TRNT1: variants seen among roughly 807,000 people sequenced by gnomAD.
TRNT1 encodes CCA tRNA nucleotidyltransferase 1, mitochondrial.
In TRNT1, 44 loss-of-function variants were observed where a neutral mutation model predicts 45.6. That is an observed-to-expected ratio of 0.97 (90% CI 0.76 to 1.24). The LOEUF is 1.24. TRNT1 is among the 50% of genes most tolerant of loss of function. The probability of loss-of-function intolerance (pLI) is 0.00; values close to 1 mark genes in which losing one functional copy is unlikely to be tolerated. For missense variants in TRNT1, 633 were observed against 504.4 expected (o/e 1.25, Z -2.44); for synonymous variants, 201 against 171.4 (o/e 1.17, Z -1.35).
In TRNT1 at chr3:3,137,307, G is replaced by C. The variant is rs1228041792; in HGVS notation, c.196G>C (p.Val66Leu). ...NHELRIAGGA[V>L]RDLLNGVKPQ... ...CGAATTAAGAATAGCAGGAGGAGCA[G>C]TGAGGGATTTATTAAATGGAGTAAA... Residue 66 changes from valine to leucine, a missense_variant, in exon 3 of 8, where the codon GTG (valine) becomes CTG (leucine). Val to Leu is a conservative substitution (Grantham distance 32). Coordinates refer to ENST00000251607, the MANE Select transcript of TRNT1 (RefSeq NM_182916.3). 1 of 1,612,142 alleles carries C rather than the reference G, an allele frequency of 6.2e-7. No individual in the cohort carries two copies. The highest frequency in any genetic ancestry group is 1.3e-5 in the African/African-American group (1 of 74,970).
At chr3:3,152,423 GA>G (rs11414437), downstream of TRNT1, 458 of 1,480,586 alleles carry the variant, frequency 3.1e-4, no homozygotes, top group Admixed American at 8.9e-4. Context: ...GGTAAAAAAA[GA>G]AAAAAAAAAG....
At chr3:3,128,795 A>T (rs1024195859) in intron 1 of TRNT1, among the ~76,000 whole-genome samples, 1 of 152,028 alleles carries the variant, frequency 6.6e-6, no homozygotes, top group Non-Finnish European at 1.5e-5. Flanking sequence ...GGCCTGCGCT[A>T]GTGAGACCCC....
rs1375140765 is a variant in TRNT1 at position 3,147,856 on chromosome 3, G to GTGTA, written c.1057-46_1057-43dup. 6 of 1,570,266 alleles carry GTGTA rather than the reference G, an allele frequency of 3.8e-6. No homozygotes were observed. In the East Asian group the frequency reaches 1.1e-4, roughly 29 times the overall value. On this transcript the variant is annotated intron_variant, in intron 7 of 7. Transcript: ENST00000251607. ...TTTAAATTTTAGGATAAGATTGTAAGTGTATGTTTTCATGTGTGACGAAAC... is the reference window on the plus strand; with the variant it reads ...TTTAAATTTTAGGATAAGATTGTAAGTGTATGTATGTTTTCATGTGTGACGAAAC...
At chr3:3,142,222 T>C (rs1705696977) in intron 4 of TRNT1, among the ~76,000 whole-genome samples, 1 of 152,220 alleles carries the variant, frequency 6.6e-6, no homozygotes, top group South Asian at 2.1e-4. Flanking sequence ...GAGAAACTAA[T>C]ACTCTTTTTC....
downstream of TRNT1, among the ~76,000 whole-genome samples, chr3:3,152,257 A>G (rs1426684089): frequency 6.6e-6 from 1 of 151,326 alleles, no homozygotes; most frequent in East Asian, 1.9e-4. Flanking sequence ...GGTTCAAGAG[A>G]TTCTTGTGCC....
chr3:3,150,855 T>G (rs1424408123), downstream of TRNT1: 1 of 1,612,112 alleles, frequency 6.2e-7, no homozygotes, highest in Admixed American at 1.7e-5. Flanking sequence ...TTTATCTCTA[T>G]CACATCTGTT....
Position 3,137,448 on chromosome 3 carries a change from G to A in TRNT1, c.337G>A (p.Ala113Thr). 6.3e-7 allele frequency: 1 copy of A among 1,597,344 alleles called. No individual in the cohort carries two copies. The highest frequency in any genetic ancestry group is 8.5e-7 in the Non-Finnish European group (1 of 1,174,630). ...AGGAGAAAAGCACGGAACAATTACT[G>A]CCAGGGTGAGTCAAAAGTTTGACAG... ...NRGEKHGTIT[A>T]RLHEENFEIT... Residue 113 changes from alanine to threonine, a missense_variant, in exon 3 of 8, where the codon GCC (alanine) becomes ACC (threonine). Ala to Thr is a moderately conservative substitution (Grantham distance 58). Transcript: ENST00000251607.
chr3:3,150,820 G>GAATA (rs2126046889), downstream of TRNT1: 1 of 1,564,374 alleles, frequency 6.4e-7, no homozygotes. Context: ...GCAGATCTTA[G>GAATA]AATATAACCA....
intron 5 of TRNT1, among the ~76,000 whole-genome samples, chr3:3,145,925 G>A (rs1176075336): frequency 1.3e-5 from 2 of 151,548 alleles, no homozygotes; most frequent in Non-Finnish European, 2.9e-5. Flanking sequence ...AAGATTCCGC[G>A]AAATATACTC....
intron 3 of TRNT1, among the ~76,000 whole-genome samples, chr3:3,138,801 C>T (rs1303724935): frequency 6.6e-6 from 1 of 152,138 alleles, no homozygotes; most frequent in African/African-American, 2.4e-5. Context: ...TTTTATTTCT[C>T]TTAGGATATC....
At chr3:3,136,167 A>G (rs1705315757) in intron 2 of TRNT1, among the ~76,000 whole-genome samples, 2 of 152,118 alleles carry the variant, frequency 1.3e-5, no homozygotes, top group Admixed American at 1.3e-4. Flanking sequence ...TGTTTAGGTG[A>G]TTACAGAGTT....
chr3:3,129,830 T>C, intron 2 of TRNT1: 1 of 1,540,512 alleles, frequency 6.5e-7, no homozygotes. Flanking sequence ...TGTGTTTCTG[T>C]AACTACTAAC....
chr3:3,148,840 G>A lies in TRNT1; in HGVS notation c.*686G>A, dbSNP rs1706251325. 2.6e-5 allele frequency: 4 copies of A among 152,046 alleles called. No homozygotes were observed. The South Asian group carries it at 6.2e-4, about 24-fold the overall frequency. 9.4% of individuals were successfully genotyped at this position (152,046 alleles called of 1,614,324 possible). On this transcript the variant is annotated 3_prime_UTR_variant, in exon 8 of 8. Transcript: ENST00000251607. ...TATTGTTTTAATAAAACAAACATTGGTATTGGAAGATAAATATGTTTATGT... is the reference window on the plus strand; with the variant it reads ...TATTGTTTTAATAAAACAAACATTGATATTGGAAGATAAATATGTTTATGT...
intron 1 of TRNT1, among the ~76,000 whole-genome samples, chr3:3,128,770 T>C (rs570621311): frequency 9.4e-5 from 2 of 21,386 alleles, no homozygotes; most frequent in Non-Finnish European, 6.9e-3. Context: ...CAGTCAGTAC[T>C]GAAACAGTTA....
chr3:3,138,631 A>G (rs573180571), intron 3 of TRNT1, among the ~76,000 whole-genome samples: 5 of 151,986 alleles, frequency 3.3e-5, no homozygotes, highest in African/African-American at 1.2e-4. Context: ...TTTTGTCTTT[A>G]TTTTATATTC....
chr3:3,151,092 C>A, downstream of TRNT1: 1 of 1,589,536 alleles, frequency 6.3e-7, no homozygotes. Flanking sequence ...TTTCTGTACT[C>A]CAAGCCTATC....
At chr3:3,135,289 G>T (rs547111246) in intron 2 of TRNT1, among the ~76,000 whole-genome samples, 41 of 152,270 alleles carry the variant, frequency 2.7e-4, no homozygotes, top group African/African-American at 9.1e-4. Flanking sequence ...GGTACAGACA[G>T]TGTGATGCAG....
chr3:3,149,171 T>TTG (rs1706292357), downstream of TRNT1: 3 of 152,246 alleles, frequency 2.0e-5, no homozygotes, highest in Non-Finnish European at 4.4e-5. Context: ...GAGTGTAATA[T>TTG]TTCTAAGAGG....
At chr3:3,140,839 T>G in intron 4 of TRNT1, 191 bp downstream of exon 4, 2 of 532,552 alleles carry the variant, frequency 3.8e-6, no homozygotes, top group Non-Finnish European at 6.3e-6. Context: ...TCCCAGCACT[T>G]TGGGAGGCCA....
Sources: allele counts gnomAD v4.1 joint callset (sites outside exome capture counted in the v4.1 genomes callset), GRCh38; gene constraint gnomAD v4.1.1; transcripts MANE v1.5; gene names NCBI Gene and HGNC (gene_info 2026-07-23, HGNC 2026-07-21).